UNC13C: variants seen among roughly 807,000 people sequenced by gnomAD.
UNC13C encodes unc-13 homolog C.
A neutral mutation model predicts 245.4 loss-of-function variants in UNC13C; 174 were observed. The ratio of observed to expected loss-of-function variants is 0.71; its 90% CI spans 0.63 to 0.80. The LOEUF is 0.80. Among genes scored for constraint, UNC13C ranks in the 30% least tolerant of loss-of-function variants. UNC13C has a pLI of 0.00. For synonymous variants in UNC13C, 992 were observed against 895.1 expected (o/e 1.11, Z -1.93); for missense variants, 2,829 against 2,602.9 (o/e 1.09, Z -1.89).
the UNC13C span, among the ~76,000 whole-genome samples, chr15:53,909,310 A>T: frequency 6.8e-6 from 1 of 146,556 alleles, no homozygotes; most frequent in Non-Finnish European, 1.5e-5. Context: ...ATTTTATTCC[A>T]TATCAGCACA....
the UNC13C span, among the ~76,000 whole-genome samples, chr15:53,891,025 A>G: frequency 6.6e-6 from 1 of 152,004 alleles, no homozygotes; most frequent in Non-Finnish European, 1.5e-5. Context: ...CCCTCTACAC[A>G]TTGTTTTAAA....
At chr15:54,398,183 A>G (rs1431472960) in intron 18 of UNC13C, among the ~76,000 whole-genome samples, 1 of 151,422 alleles carries the variant, frequency 6.6e-6, no homozygotes, top group Non-Finnish European at 1.5e-5. Flanking sequence ...GATTTTGTCA[A>G]ATATCTTTTC....
intron 30 of UNC13C, among the ~76,000 whole-genome samples, chr15:54,579,237 AT>A (rs936545248): frequency 1.3e-5 from 2 of 151,960 alleles, no homozygotes; most frequent in Admixed American, 6.6e-5. Context: ...AGTGTGGTTG[AT>A]TTTTTTTCTC....
At chr15:54,609,355 A>G (rs1899950912) in intron 30 of UNC13C, 1 of 152,168 alleles carries the variant, frequency 6.6e-6, no homozygotes, top group Non-Finnish European at 1.5e-5. Context: ...TGACTCACTC[A>G]CATGCTCACA....
intron 2 of UNC13C, among the ~76,000 whole-genome samples, chr15:54,130,308 T>TTTTTTTTTTTTG (rs67637704): frequency 8.4e-6 from 1 of 119,518 alleles, no homozygotes; most frequent in Non-Finnish European, 1.7e-5. Context: ...TTTTTTTTTT[T>TTTTTTTTTTTTG]GTGAGACGGA....
intron 19 of UNC13C, among the ~76,000 whole-genome samples, chr15:54,436,061 G>T (rs186407295): frequency 9.2e-5 from 14 of 152,016 alleles, no homozygotes; most frequent in Admixed American, 7.9e-4. Context: ...TCAGAATGGG[G>T]ATCATTAAAA....
chr15:54,347,956 C>T (rs991360541), intron 17 of UNC13C, among the ~76,000 whole-genome samples: 4 of 152,068 alleles, frequency 2.6e-5, no homozygotes, highest in African/African-American at 9.7e-5. Context: ...CTCTATCAAC[C>T]TGTGATATAA....
chr15:54,419,601 A>AT (rs1250506671), intron 19 of UNC13C, among the ~76,000 whole-genome samples: 10 of 152,130 alleles, frequency 6.6e-5, no homozygotes, highest in African/African-American at 2.4e-4. Flanking sequence ...ATATAAATAG[A>AT]ACATAAGGCC....
intron 26 of UNC13C, among the ~76,000 whole-genome samples, chr15:54,538,640 A>G (rs1245254881): frequency 6.6e-6 from 1 of 152,134 alleles, no homozygotes; most frequent in Non-Finnish European, 1.5e-5. Context: ...TGTGGTACAT[A>G]TACATCATGG....
chr15:54,440,782 A>G (rs1016793561), intron 19 of UNC13C, among the ~76,000 whole-genome samples: 20 of 152,096 alleles, frequency 1.3e-4, no homozygotes, highest in African/African-American at 2.7e-4. Context: ...CCAACAACGT[A>G]TAAGTGTTCC....
At chr15:54,397,410 G>T (rs500853) in intron 18 of UNC13C, among the ~76,000 whole-genome samples, 102,792 of 151,272 alleles carry the variant, frequency 0.68, 35,362 homozygotes, top group East Asian at 0.77. Context: ...CACCAGTACT[G>T]CATGTCTTGG....
chr15:54,125,971 A>G (rs2031010295), intron 2 of UNC13C, among the ~76,000 whole-genome samples: 2 of 152,232 alleles, frequency 1.3e-5, no homozygotes, highest in Non-Finnish European at 2.9e-5. Flanking sequence ...ACACAATACA[A>G]TACGTACAGT....
chr15:54,576,260 C>A (rs12914472), intron 30 of UNC13C, among the ~76,000 whole-genome samples: 50,896 of 152,012 alleles, frequency 0.33, 8,964 homozygotes, highest in East Asian at 0.53. Context: ...AGGGACAATG[C>A]CCCTCCCACT....
At chr15:53,861,143 T>G in the UNC13C span, among the ~76,000 whole-genome samples, 2 of 152,196 alleles carry the variant, frequency 1.3e-5, no homozygotes, top group African/African-American at 4.8e-5. Context: ...TTTGCACATT[T>G]GGTTTAGCAT....
At chr15:54,398,070 T>A (rs115597932) in intron 18 of UNC13C, among the ~76,000 whole-genome samples, 2,273 of 151,562 alleles carry the variant, frequency 0.015, 66 homozygotes, top group African/African-American at 0.053. Context: ...TACCATTGAA[T>A]ATCATGTTAA....
chr15:54,116,604 T>C, intron 2 of UNC13C, among the ~76,000 whole-genome samples: 1 of 152,194 alleles, frequency 6.6e-6, no homozygotes, highest in Admixed American at 6.5e-5. Flanking sequence ...CAAATAACAA[T>C]ATTTTATTCA....
intron 29 of UNC13C, among the ~76,000 whole-genome samples, chr15:54,563,639 C>T (rs552071973): frequency 6.6e-6 from 1 of 152,094 alleles, no homozygotes; most frequent in African/African-American, 2.4e-5. Context: ...GCTTTAAACC[C>T]CACATTTACA....
At chr15:54,295,465 A>G (rs1394656632) in intron 11 of UNC13C, among the ~76,000 whole-genome samples, 2 of 152,092 alleles carry the variant, frequency 1.3e-5, no homozygotes, top group African/African-American at 2.4e-5. Flanking sequence ...ACTGGACAAC[A>G]TAGTGAGACC....
At chr15:54,428,755 A>T (rs959740039) in intron 19 of UNC13C, among the ~76,000 whole-genome samples, 1 of 151,496 alleles carries the variant, frequency 6.6e-6, no homozygotes, top group Non-Finnish European at 1.5e-5. Context: ...GATATGAGTA[A>T]GTACAGCTGC....
Sources: allele counts gnomAD v4.1 joint callset (sites outside exome capture counted in the v4.1 genomes callset), GRCh38; gene constraint gnomAD v4.1.1; transcripts MANE v1.5; gene names NCBI Gene and HGNC (gene_info 2026-07-23, HGNC 2026-07-21).